ENTREP2: variants seen among roughly 807,000 people sequenced by gnomAD.
The protein encoded by ENTREP2 is endosomal transmembrane epsin interactor 2, also known as protein ENTREP2.
At chr15:29,224,373 CA>C in the ENTREP2 span, among the ~76,000 whole-genome samples, 1 of 152,132 alleles carries the variant, frequency 6.6e-6, no homozygotes, top group Non-Finnish European at 1.5e-5. Flanking sequence ...AAAGCTTCCA[CA>C]CTTGTGGAAG....
chr15:29,434,708 T>C, the ENTREP2 span, among the ~76,000 whole-genome samples: 1 of 152,086 alleles, frequency 6.6e-6, no homozygotes, highest in African/African-American at 2.4e-5. Flanking sequence ...ACCTTACAGC[T>C]CATCCATGCT....
chr15:29,287,397 AG>A, the ENTREP2 span, among the ~76,000 whole-genome samples: 172 of 117,952 alleles, frequency 1.5e-3, 2 homozygotes, highest in Middle Eastern at 3.9e-3. Context: ...AAAAAAAAAA[AG>A]AAAAAAAAAA....
At chr15:29,541,107 G>A in the ENTREP2 span, among the ~76,000 whole-genome samples, 11 of 152,106 alleles carry the variant, frequency 7.2e-5, no homozygotes, top group Non-Finnish European at 1.6e-4. Flanking sequence ...GGTATTCACC[G>A]GGTCTGCACT....
the ENTREP2 span, among the ~76,000 whole-genome samples, chr15:29,154,768 C>T: frequency 1.3e-5 from 2 of 152,208 alleles, no homozygotes; most frequent in African/African-American, 4.8e-5. Flanking sequence ...TCTGTAACAT[C>T]CTCTGGACAA....
At chr15:29,300,669 G>A in the ENTREP2 span, among the ~76,000 whole-genome samples, 1 of 152,118 alleles carries the variant, frequency 6.6e-6, no homozygotes, top group Non-Finnish European at 1.5e-5. Flanking sequence ...TGCGATCTCG[G>A]CTCACTGCAA....
chr15:29,503,532 G>A, the ENTREP2 span, among the ~76,000 whole-genome samples: 20 of 152,096 alleles, frequency 1.3e-4, no homozygotes, highest in Non-Finnish European at 2.9e-4. Context: ...ACATAACACT[G>A]TGACTATACT....
chr15:29,324,714 C>T, the ENTREP2 span, among the ~76,000 whole-genome samples: 22 of 152,210 alleles, frequency 1.4e-4, no homozygotes, highest in Middle Eastern at 0.01. Flanking sequence ...ACATAACAAT[C>T]CTTAACATGT....
the ENTREP2 span, among the ~76,000 whole-genome samples, chr15:29,446,549 C>A: frequency 2.4e-4 from 37 of 152,304 alleles, no homozygotes; most frequent in South Asian, 4.4e-3. Context: ...GGAGGAGGAG[C>A]CTCGGTCCCC....
At chr15:29,249,953 C>T in the ENTREP2 span, among the ~76,000 whole-genome samples, 11 of 152,164 alleles carry the variant, frequency 7.2e-5, 1 homozygote, top group East Asian at 1.4e-3. Context: ...AACCAGCTCT[C>T]GTGAGAACTC....
At chr15:29,480,265 G>T in the ENTREP2 span, among the ~76,000 whole-genome samples, 1 of 126,582 alleles carries the variant, frequency 7.9e-6, no homozygotes, top group African/African-American at 2.9e-5. Flanking sequence ...TACAATTTCA[G>T]TTTTAAGGGC....
chr15:29,546,677 G>C, the ENTREP2 span, among the ~76,000 whole-genome samples: 2 of 152,086 alleles, frequency 1.3e-5, no homozygotes, highest in Non-Finnish European at 2.9e-5. Context: ...ATGAGGTCAG[G>C]AGATCGAGAC....
At chr15:29,121,058 G>A in the ENTREP2 span, 3 of 152,410 alleles carry the variant, frequency 2.0e-5, no homozygotes, top group African/African-American at 7.2e-5. Context: ...ATTTCGAAGG[G>A]GCAGAAGGTT....
At chr15:29,490,232 T>C in the ENTREP2 span, among the ~76,000 whole-genome samples, 7 of 152,190 alleles carry the variant, frequency 4.6e-5, no homozygotes, top group Non-Finnish European at 1.0e-4. Flanking sequence ...TGGGAGTTTC[T>C]TCCTTCTCTC....
At chr15:29,356,296 ATTTTTTTTTTTTTTT>A in the ENTREP2 span, among the ~76,000 whole-genome samples, 1 of 34,386 alleles carries the variant, frequency 2.9e-5, no homozygotes, top group African/African-American at 8.8e-5. Context: ...ATATATATAT[ATTTTTTTTTTTTTTT>A]TTTTTTTTTT....
At chr15:29,521,444 T>A in the ENTREP2 span, among the ~76,000 whole-genome samples, 2 of 152,364 alleles carry the variant, frequency 1.3e-5, no homozygotes, top group Non-Finnish European at 2.9e-5. Flanking sequence ...CTTCTGCATA[T>A]GTGGTTTTTC....
At chr15:29,618,173 C>T in the ENTREP2 span, among the ~76,000 whole-genome samples, 2,022 of 152,202 alleles carry the variant, frequency 0.013, 50 homozygotes, top group African/African-American at 0.047. Flanking sequence ...CCTGTAATTC[C>T]AGCACTTTGG....
At chr15:29,655,101 A>T in the ENTREP2 span, among the ~76,000 whole-genome samples, 1 of 152,062 alleles carries the variant, frequency 6.6e-6, no homozygotes, top group Admixed American at 6.6e-5. Flanking sequence ...TTCTAAAGTG[A>T]TCTGAAAAAA....
chr15:29,393,860 C>A, the ENTREP2 span, among the ~76,000 whole-genome samples: 166 of 152,106 alleles, frequency 1.1e-3, 1 homozygote, highest in East Asian at 0.019. Context: ...ACTCTTTTAG[C>A]CCCAGCAACT....
At chr15:29,429,149 ATCTG>A in the ENTREP2 span, among the ~76,000 whole-genome samples, 3 of 147,742 alleles carry the variant, frequency 2.0e-5, no homozygotes, top group African/African-American at 7.5e-5. Context: ...TGAGATGTCT[ATCTG>A]TCCATCCATC....
Sources: allele counts gnomAD v4.1 joint callset (sites outside exome capture counted in the v4.1 genomes callset), GRCh38; gene constraint gnomAD v4.1.1; transcripts MANE v1.5; gene names NCBI Gene and HGNC (gene_info 2026-07-23, HGNC 2026-07-21).